PRKCB: variants seen among roughly 807,000 people sequenced by gnomAD.
PRKCB encodes the protein protein kinase C beta.
In PRKCB, 13 loss-of-function variants were observed where a neutral mutation model predicts 81.5. The ratio of observed to expected loss-of-function variants is 0.16; its 90% confidence interval spans 0.10 to 0.25. The LOEUF (loss-of-function observed/expected upper bound fraction) is 0.25, where lower values mean the gene tolerates loss of function less well. Ranked by LOEUF, PRKCB falls within the 10% of genes least tolerant of loss-of-function variation. The pLI is 1.00. For synonymous variants in PRKCB, 335 were observed against 321.4 expected, an observed-to-expected ratio of 1.04 and a Z score of -0.45; for missense variants, 509 against 875.7, an observed-to-expected ratio of 0.58 and a Z score of 5.29.
intron 9 of PRKCB, among the ~76,000 whole-genome samples, chr16:24,151,271 A>G (rs1567393221): frequency 6.6e-6 from 1 of 152,216 alleles, no homozygotes; most frequent in Non-Finnish European, 1.5e-5. Flanking sequence ...TTCAGCAGCC[A>G]GCAGTATATA....
intron 3 of PRKCB, among the ~76,000 whole-genome samples, chr16:24,019,580 AT>A (rs1965331833): frequency 6.6e-6 from 1 of 152,154 alleles, no homozygotes; most frequent in Admixed American, 6.5e-5. Context: ...CCTGACTAAT[AT>A]GGCGAAACCC....
chr16:23,870,619 A>G (rs1043995510), intron 2 of PRKCB, among the ~76,000 whole-genome samples: 6 of 152,160 alleles, frequency 3.9e-5, no homozygotes, highest in Admixed American at 1.3e-4. Context: ...GGCATGCCAG[A>G]GTGGTAGCTG....
rs200026533 is a variant in PRKCB at position 24,193,424 on chromosome 16, G to A, written c.1863+2194G>A. Reference sequence around the variant, plus strand: ...TGCGCCACTGCACTCCAGCCTGGGCGACAGAGTGAGACTCCATCTCAAATA... The same window carrying A: ...TGCGCCACTGCACTCCAGCCTGGGCAACAGAGTGAGACTCCATCTCAAATA... On this transcript the variant is annotated intron_variant, in intron 16 of 16. Transcript: ENST00000643927. Among the ~76,000 whole-genome samples, 382 of 150,280 alleles carry A rather than the reference G, an allele frequency of 2.5e-3. 12 individuals are homozygous for A. The East Asian group carries it at 0.06, about 23-fold the overall frequency.
chr16:24,062,668 G>A (rs1357455770), intron 5 of PRKCB, among the ~76,000 whole-genome samples: 1 of 152,122 alleles, frequency 6.6e-6, no homozygotes, highest in Non-Finnish European at 1.5e-5. Flanking sequence ...CTGGGGGTGA[G>A]TTCACCCTGT....
chr16:23,999,101 C>T (rs935673690), intron 3 of PRKCB, among the ~76,000 whole-genome samples: 5 of 152,230 alleles, frequency 3.3e-5, no homozygotes, highest in Non-Finnish European at 5.9e-5. Flanking sequence ...TTTTTCTGCT[C>T]ATGGTTGGAG....
intron 3 of PRKCB, among the ~76,000 whole-genome samples, chr16:24,027,000 C>CT (rs1395895084): frequency 6.6e-6 from 1 of 152,042 alleles, no homozygotes; most frequent in Non-Finnish European, 1.5e-5. Context: ...ACAGGGGTTC[C>CT]TTTTTTATTA....
chr16:23,879,048 C>T (rs1251629752), intron 2 of PRKCB, among the ~76,000 whole-genome samples: 2 of 152,004 alleles, frequency 1.3e-5, no homozygotes, highest in Admixed American at 6.6e-5. Context: ...CGTGGTGGCA[C>T]GCGCCTGTAA....
chr16:23,967,379 ATGG>A (rs965640368), intron 2 of PRKCB, among the ~76,000 whole-genome samples: 2 of 152,202 alleles, frequency 1.3e-5, no homozygotes, highest in African/African-American at 4.8e-5. Context: ...TAGGGTGGTG[ATGG>A]TGATGTGGAG....
chr16:24,065,539 A>G (rs926731127), intron 5 of PRKCB, among the ~76,000 whole-genome samples: 19 of 152,230 alleles, frequency 1.2e-4, no homozygotes, highest in African/African-American at 4.6e-4. Context: ...TTTAAACTAC[A>G]TTATGATAAT....
At chr16:24,179,000 G>T (rs188776102) in intron 12 of PRKCB, among the ~76,000 whole-genome samples, 4 of 152,256 alleles carry the variant, frequency 2.6e-5, no homozygotes, top group Admixed American at 1.3e-4. Flanking sequence ...CCTCCCTCTA[G>T]GCTCTGCTTT....
Position 23,965,316 on chromosome 16 carries a change from G to A in PRKCB, c.206-23192G>A, listed in dbSNP as rs1964473342. Among the ~76,000 whole-genome samples the A allele has an allele frequency of 2.6e-5, 4 of 152,290 alleles. No individual in the cohort carries two copies. In the South Asian group the frequency reaches 8.3e-4, roughly 32 times the overall value. ...AGCTGCGTCCATGTTGCAGCAAAGA[G>A]CATGGTTTCATTCTTTTTTATGCCT... On this transcript the variant is annotated intron_variant, in intron 2 of 16. Transcript: ENST00000643927.
At chr16:23,950,556 G>A (rs946249297) in intron 2 of PRKCB, among the ~76,000 whole-genome samples, 1 of 152,208 alleles carries the variant, frequency 6.6e-6, no homozygotes, top group Admixed American at 6.5e-5. Flanking sequence ...ACCTCTCTGA[G>A]TTCCTTTTAA....
chr16:24,001,296 G>A (rs1829086198), intron 3 of PRKCB, among the ~76,000 whole-genome samples: 1 of 152,120 alleles, frequency 6.6e-6, no homozygotes, highest in African/African-American at 2.4e-5. Context: ...ATGATTTATA[G>A]TCAAGTTACT....
intron 5 of PRKCB, among the ~76,000 whole-genome samples, chr16:24,038,579 C>A (rs1333506094): frequency 1.3e-5 from 2 of 152,220 alleles, no homozygotes; most frequent in Non-Finnish European, 2.9e-5. Context: ...TGCCCATACA[C>A]CATGCTGGGC....
chr16:24,032,966 C>A (rs1404981984), intron 4 of PRKCB, among the ~76,000 whole-genome samples: 2 of 152,204 alleles, frequency 1.3e-5, no homozygotes, highest in African/African-American at 4.8e-5. Context: ...TGTGGCCCTG[C>A]AGCACCCACA....
intron 10 of PRKCB, among the ~76,000 whole-genome samples, chr16:24,157,548 T>C (rs1967179981): frequency 2.0e-5 from 3 of 152,000 alleles, no homozygotes; most frequent in African/African-American, 7.3e-5. Flanking sequence ...CTAGCCATGC[T>C]GAACTCCGAG....
intron 10 of PRKCB, among the ~76,000 whole-genome samples, chr16:24,168,848 C>T (rs528569731): frequency 6.6e-6 from 1 of 151,594 alleles, no homozygotes; most frequent in African/African-American, 2.4e-5. Flanking sequence ...GAGCCAGCCA[C>T]CATGCCTGAC....
rs992012224 is a variant in PRKCB, at chr16:24,217,189, G to C, written c.*2373G>C. On this transcript the variant is annotated 3_prime_UTR_variant, in exon 17 of 17. Transcript: ENST00000643927. ...AAGAAGGAAGGAAGGAAGGAATATA[G>C]TGTTATAAATACTGCACTCAACATT... The C allele has an allele frequency of 1.0e-6, 1 of 983,840 alleles. No individual in the cohort carries two copies. Among genetic ancestry groups the C allele is most frequent in the Non-Finnish European group, 1.2e-6 (1 of 828,838 alleles). 60.9% of individuals were successfully genotyped at this position (983,840 alleles called of 1,614,324 possible).
At chr16:23,934,150 A>T (rs1489569079) in intron 2 of PRKCB, among the ~76,000 whole-genome samples, 1 of 152,100 alleles carries the variant, frequency 6.6e-6, no homozygotes, top group Non-Finnish European at 1.5e-5. Flanking sequence ...AGCTGGGTAT[A>T]AAATGCTTTT....
Sources: gnomAD v4.1 joint callset for allele counts (sites outside exome capture counted in the v4.1 genomes callset) on GRCh38, gnomAD v4.1.1 for gene constraint, MANE v1.5 for transcripts, NCBI Gene and HGNC (gene_info 2026-07-23, HGNC 2026-07-21) for gene names.